Variants in CFAP263 observed in about 807,000 individuals in gnomAD.
The protein encoded by CFAP263 is cilia and flagella associated protein 263.
the CFAP263 span, chr16:58,258,643 G>A: frequency 0.17 from 143,805 of 869,222 alleles, 14,512 homozygotes; most frequent in East Asian, 0.35. Context: ...CCACATATGC[G>A]GATTTTCTTT....
the CFAP263 span, chr16:58,278,349 C>G: frequency 2.4e-6 from 2 of 831,216 alleles, no homozygotes; most frequent in Non-Finnish European, 3.7e-6. Flanking sequence ...CCACCCCTCC[C>G]CAACCTCTTT....
the CFAP263 span, chr16:58,249,951 C>A: frequency 2.9e-5 from 32 of 1,110,602 alleles, no homozygotes; most frequent in Non-Finnish European, 4.2e-5. Flanking sequence ...CGGAGTGACG[C>A]GTGGCCGCCG....
At chr16:58,273,716 G>A in the CFAP263 span, among the ~76,000 whole-genome samples, 2 of 152,108 alleles carry the variant, frequency 1.3e-5, no homozygotes, top group Non-Finnish European at 2.9e-5. Context: ...GTGGATCATG[G>A]TTTCTTATTT....
At chr16:58,255,055 G>A in the CFAP263 span, among the ~76,000 whole-genome samples, 23,005 of 152,156 alleles carry the variant, frequency 0.15, 2,233 homozygotes, top group East Asian at 0.33. Flanking sequence ...AAAGTCCCAC[G>A]CAATCGATCG....
chr16:58,282,618 T>C, the CFAP263 span: 1 of 152,282 alleles, frequency 6.6e-6, no homozygotes, highest in Non-Finnish European at 1.5e-5. Context: ...GAGGAAGGCC[T>C]TGAGGACTTC....
chr16:58,279,978 G>T, the CFAP263 span: 1 of 617,632 alleles, frequency 1.6e-6, no homozygotes, highest in Non-Finnish European at 2.8e-6. Flanking sequence ...ACCACTGAAA[G>T]AACCACAGGG....
At chr16:58,260,358 C>T in the CFAP263 span, among the ~76,000 whole-genome samples, 7 of 152,142 alleles carry the variant, frequency 4.6e-5, no homozygotes, top group Non-Finnish European at 8.8e-5. Context: ...TGATTTGAGC[C>T]TCCCAACCCA....
At chr16:58,283,362 G>A in the CFAP263 span, 11 of 152,308 alleles carry the variant, frequency 7.2e-5, 1 homozygote, top group Non-Finnish European at 1.0e-4. Flanking sequence ...TTAGAGGTGT[G>A]TCACAGTTAA....
chr16:58,278,586 G>C, the CFAP263 span: 1 of 1,614,186 alleles, frequency 6.2e-7, no homozygotes, highest in Non-Finnish European at 8.5e-7. Context: ...TCTTAAATGC[G>C]GACCTGGAGA....
chr16:58,262,886 G>C, the CFAP263 span, among the ~76,000 whole-genome samples: 1 of 152,186 alleles, frequency 6.6e-6, no homozygotes, highest in Middle Eastern at 3.4e-3. Context: ...TTTTATTGCT[G>C]TTACTAATTC....
At chr16:58,266,405 A>AT in the CFAP263 span, among the ~76,000 whole-genome samples, 12 of 31,444 alleles carry the variant, frequency 3.8e-4, no homozygotes, top group East Asian at 2.1e-3. Flanking sequence ...ATATATATAT[A>AT]TTTTTTTTTT....
At chr16:58,265,625 T>C in the CFAP263 span, among the ~76,000 whole-genome samples, 8 of 152,190 alleles carry the variant, frequency 5.3e-5, no homozygotes, top group Admixed American at 5.2e-4. Context: ...CAGCCAGATG[T>C]GACCATGGGG....
the CFAP263 span, among the ~76,000 whole-genome samples, chr16:58,273,523 A>G: frequency 3.3e-5 from 5 of 152,162 alleles, no homozygotes; most frequent in African/African-American, 1.2e-4. Flanking sequence ...CAGATTTTCT[A>G]TGTTTTAAAA....
the CFAP263 span, among the ~76,000 whole-genome samples, chr16:58,272,313 G>A: frequency 6.6e-6 from 1 of 152,084 alleles, no homozygotes; most frequent in African/African-American, 2.4e-5. Flanking sequence ...ACCGCACCCG[G>A]CCAGATATTT....
the CFAP263 span, among the ~76,000 whole-genome samples, chr16:58,251,166 T>C: frequency 2.8e-3 from 433 of 152,290 alleles, 4 homozygotes; most frequent in Non-Finnish European, 2.0e-3. Flanking sequence ...CATTTACATA[T>C]ATGATCTTAT....
the CFAP263 span, among the ~76,000 whole-genome samples, chr16:58,267,100 A>T: frequency 6.6e-6 from 1 of 152,178 alleles, no homozygotes; most frequent in African/African-American, 2.4e-5. Context: ...TATGTTCTCC[A>T]TGTGCCAGGC....
chr16:58,253,920 G>C, the CFAP263 span: 1 of 1,516,870 alleles, frequency 6.6e-7, no homozygotes, highest in Admixed American at 1.7e-5. Context: ...CAGGTCAGAG[G>C]ATCATTCTGA....
the CFAP263 span, among the ~76,000 whole-genome samples, chr16:58,272,777 T>A: frequency 6.6e-6 from 1 of 152,122 alleles, no homozygotes; most frequent in Middle Eastern, 3.2e-3. Flanking sequence ...TGGCTTTTTT[T>A]TTTTTTTTGA....
the CFAP263 span, chr16:58,253,858 T>A: frequency 1.2e-6 from 1 of 822,656 alleles, no homozygotes; most frequent in Non-Finnish European, 2.0e-6. Flanking sequence ...ATATCCAGCA[T>A]CCTTTTACCA....
Sources: gnomAD v4.1 joint callset for allele counts (sites outside exome capture counted in the v4.1 genomes callset) on GRCh38, gnomAD v4.1.1 for gene constraint, MANE v1.5 for transcripts, NCBI Gene and HGNC (gene_info 2026-07-23, HGNC 2026-07-21) for gene names.